Variants in GRIA1 observed in about 807,000 individuals in gnomAD.
GRIA1 encodes glutamate receptor 1.
Under a neutral mutation model 99.2 loss-of-function variants are expected in GRIA1, and 31 were observed. That is an observed-to-expected ratio of 0.31 (90% CI 0.23 to 0.42). The LOEUF (loss-of-function observed/expected upper bound fraction) is 0.42, where lower values mean the gene tolerates loss of function less well. Among genes scored for constraint, GRIA1 ranks in the 10% least tolerant of loss-of-function variants. The probability of loss-of-function intolerance (pLI) is 1.00; values close to 1 mark genes in which losing one functional copy is unlikely to be tolerated. For synonymous variants in GRIA1, 438 were observed against 432.4 expected, an observed-to-expected ratio of 1.01 and a Z score of -0.16; for missense variants, 782 against 1,157.5, an observed-to-expected ratio of 0.68 and a Z score of 4.71.
At chr5:153,634,413 A>G (rs980450960) in intron 2 of GRIA1, among the ~76,000 whole-genome samples, 2 of 152,160 alleles carry the variant, frequency 1.3e-5, no homozygotes, top group African/African-American at 2.4e-5. Context: ...AAGAATGCGA[A>G]GGGGTCAGCC....
intron 11 of GRIA1, among the ~76,000 whole-genome samples, chr5:153,715,917 G>C (rs1759634852): frequency 6.6e-6 from 1 of 152,180 alleles, no homozygotes; most frequent in Admixed American, 6.5e-5. Context: ...ATTTCCAGCT[G>C]TCACTAACTA....
At chr5:153,775,863 A>C (rs1261781644) in intron 13 of GRIA1, among the ~76,000 whole-genome samples, 2 of 151,544 alleles carry the variant, frequency 1.3e-5, no homozygotes, top group Non-Finnish European at 2.9e-5. Flanking sequence ...GAGGCTTCAT[A>C]TTAGGGGCTG....
chr5:153,720,445 A>G (rs1222392149), intron 11 of GRIA1, among the ~76,000 whole-genome samples: 1 of 152,212 alleles, frequency 6.6e-6, no homozygotes, highest in Non-Finnish European at 1.5e-5. Context: ...AAATAAGCCC[A>G]GTCACTGCCT....
intron 12 of GRIA1, 93 bp from the exon 13 acceptor site, chr5:153,770,075 G>A (rs967252857): frequency 8.0e-7 from 1 of 1,254,832 alleles, no homozygotes; most frequent in Non-Finnish European, 1.1e-6. Context: ...GCTCATGAAT[G>A]TGTGATCAAG....
intron 11 of GRIA1, among the ~76,000 whole-genome samples, chr5:153,710,257 C>T (rs1283975223): frequency 1.3e-5 from 2 of 150,230 alleles, no homozygotes; most frequent in African/African-American, 4.9e-5. Flanking sequence ...TTTTTTAACT[C>T]AGTCACCCCA....
At chr5:153,558,362 A>T (rs1453983663) in intron 2 of GRIA1, among the ~76,000 whole-genome samples, 1 of 152,178 alleles carries the variant, frequency 6.6e-6, no homozygotes, top group Admixed American at 6.5e-5. Context: ...ATTATCCCAA[A>T]AAGGTTTTTT....
chr5:153,805,191 G>T (rs914567143), intron 15 of GRIA1, among the ~76,000 whole-genome samples: 3 of 152,136 alleles, frequency 2.0e-5, no homozygotes, highest in Non-Finnish European at 4.4e-5. Flanking sequence ...AAATAATAAT[G>T]ACAATGATAA....
At chr5:153,799,499 C>T (rs938674111) in intron 14 of GRIA1, among the ~76,000 whole-genome samples, 1 of 152,194 alleles carries the variant, frequency 6.6e-6, no homozygotes, top group Non-Finnish European at 1.5e-5. Flanking sequence ...TGAAACTCCT[C>T]AGCTATCTGG....
At chr5:153,552,816 ATCT>A (rs1760273382) in intron 2 of GRIA1, among the ~76,000 whole-genome samples, 2 of 152,286 alleles carry the variant, frequency 1.3e-5, no homozygotes, top group South Asian at 4.1e-4. Context: ...AGCCTAAGAG[ATCT>A]TCTGGTCTGT....
At chr5:153,523,914 G>A (rs1404973240) in intron 2 of GRIA1, among the ~76,000 whole-genome samples, 1 of 152,168 alleles carries the variant, frequency 6.6e-6, no homozygotes, top group Non-Finnish European at 1.5e-5. Context: ...CTTGAAGACA[G>A]CTTTGAAAAG....
intron 2 of GRIA1, among the ~76,000 whole-genome samples, chr5:153,600,284 C>T (rs141640267): frequency 0.023 from 3,429 of 146,488 alleles, 68 homozygotes; most frequent in Middle Eastern, 0.067. Flanking sequence ...CCCAGATACT[C>T]GGGAGGCTGA....
intron 2 of GRIA1, among the ~76,000 whole-genome samples, chr5:153,636,328 T>C (rs1753358588): frequency 1.3e-5 from 2 of 152,178 alleles, no homozygotes; most frequent in Admixed American, 6.5e-5. Context: ...TCCCAAATTG[T>C]CAGCATTTCA....
intron 5 of GRIA1, among the ~76,000 whole-genome samples, chr5:153,658,102 G>A (rs995009570): frequency 7.9e-5 from 12 of 152,152 alleles, no homozygotes; most frequent in African/African-American, 2.9e-4. Context: ...ACTAGAGCTA[G>A]GCCTGTCACC....
chr5:153,701,619 C>CAAAAAAAAAAAAAAAAAA lies in GRIA1; in HGVS notation c.1452+2552_1452+2569dup, dbSNP rs70978504. On this transcript the variant is annotated intron_variant, in intron 10 of 15. Transcript: ENST00000285900. ...CTGGGCGACAAAGCGAGACCCGTCT[C>CAAAAAAAAAAAAAAAAAA]AAAAAAAAAAAAAAAAAAAAAAATA... is the stretch of plus-strand genomic sequence containing the variant. 3.5e-3 allele frequency among the ~76,000 whole-genome samples: 138 copies of CAAAAAAAAAAAAAAAAAA among 39,386 alleles called. 25 individuals are homozygous for CAAAAAAAAAAAAAAAAAA. The East Asian group carries it at 0.054, about 15-fold the overall frequency. 25.8% of individuals were successfully genotyped at this position (39,386 alleles called of 152,430 possible).
At chr5:153,650,698 G>C (rs1017023186) in intron 4 of GRIA1, among the ~76,000 whole-genome samples, 184 bp downstream of exon 4, 3 of 151,648 alleles carry the variant, frequency 2.0e-5, no homozygotes, top group African/African-American at 4.8e-5. Flanking sequence ...ACAAACAATG[G>C]GAGCCTTGAC....
intron 14 of GRIA1, chr5:153,795,397 G>A: frequency 2.6e-6 from 2 of 776,724 alleles, no homozygotes; most frequent in Non-Finnish European, 4.4e-6. Flanking sequence ...AATGAATGAT[G>A]TGAATGAATA....
At chr5:153,517,923 A>AC (rs1756779760) in intron 2 of GRIA1, among the ~76,000 whole-genome samples, 1 of 152,144 alleles carries the variant, frequency 6.6e-6, no homozygotes, top group African/African-American at 2.4e-5. Flanking sequence ...CCCTCCATGA[A>AC]CCTGTCCCTC....
At chr5:153,709,331 T>A (rs746718255) in intron 11 of GRIA1, among the ~76,000 whole-genome samples, 40 of 152,234 alleles carry the variant, frequency 2.6e-4, no homozygotes, top group Non-Finnish European at 5.0e-4. Context: ...GAAAATGTCA[T>A]AAACCCTTCC....
intron 11 of GRIA1, among the ~76,000 whole-genome samples, chr5:153,743,214 G>C (rs911512475): frequency 3.9e-5 from 6 of 152,166 alleles, no homozygotes; most frequent in Non-Finnish European, 8.8e-5. Context: ...CAAAAAAATG[G>C]CTTAAGGGAG....
Sources: allele counts gnomAD v4.1 joint callset (sites outside exome capture counted in the v4.1 genomes callset), GRCh38; gene constraint gnomAD v4.1.1; transcripts MANE v1.5; gene names NCBI Gene and HGNC (gene_info 2026-07-23, HGNC 2026-07-21).